Variants in TMEM132B observed in about 807,000 individuals in gnomAD.
TMEM132B encodes transmembrane protein 132B.
In TMEM132B, 18 loss-of-function variants were observed where a neutral mutation model predicts 90.8. The observed-to-expected ratio is 0.20, with a 90% CI of 0.14 to 0.29. TMEM132B has a LOEUF of 0.29. TMEM132B is among the 10% of genes least tolerant of loss of function. TMEM132B has a pLI of 1.00. For synonymous variants in TMEM132B, 504 were observed against 523.3 expected, an observed-to-expected ratio of 0.96 and a Z score of 0.50; for missense variants, 1,096 against 1,326.8, an observed-to-expected ratio of 0.83 and a Z score of 2.70.
In TMEM132B at chr12:125,349,334, G is replaced by C; in HGVS notation, c.68-118G>C. ...CAGGGCTTTCACTGTGATGAGACCT[G>C]GGGGAGAAACAGTGGCCAGTGGGCG... On this transcript the variant is annotated intron_variant, in intron 1 of 8. Transcript: ENST00000682704. The surrounding 1 kb of genome is among the most constrained non-coding windows in gnomAD (Gnocchi z 4.1). The C allele has an allele frequency of 9.0e-7, 1 of 1,108,656 alleles. No individual in the cohort carries two copies. Among genetic ancestry groups the C allele is most frequent in the Non-Finnish European group, 1.3e-6 (1 of 775,750 alleles). 68.7% of individuals were successfully genotyped at this position (1,108,656 alleles called of 1,614,324 possible).
In TMEM132B at chr12:125,588,623, C is replaced by T. The variant is rs541041317; in HGVS notation, c.1437+4629C>T. ...GATTACAGGCATGAGCCACCACGCC[C>T]CTCTACACCTGGGTTTTTAGAAATA... is the stretch of plus-strand genomic sequence containing the variant. On this transcript the variant is annotated intron_variant, in intron 5 of 8. Coordinates refer to ENST00000682704, the MANE Select transcript of TMEM132B (RefSeq NM_001366854.1). Among the ~76,000 whole-genome samples, 6 of 151,408 alleles carry T rather than the reference C, an allele frequency of 4.0e-5. No individual in the cohort carries two copies. In the South Asian group the frequency reaches 1.3e-3, roughly 32 times the overall value.
At chr12:125,474,575 C>T (rs1475688446) in intron 3 of TMEM132B, among the ~76,000 whole-genome samples, 1 of 152,186 alleles carries the variant, frequency 6.6e-6, no homozygotes, top group Non-Finnish European at 1.5e-5. Flanking sequence ...AGTCATGAGC[C>T]ATCATGCCTG....
At chr12:125,425,470 G>A (rs1649227753) in intron 3 of TMEM132B, among the ~76,000 whole-genome samples, 1 of 151,642 alleles carries the variant, frequency 6.6e-6, no homozygotes, top group Admixed American at 6.6e-5. Context: ...TATTATTAAA[G>A]TCCACACTAC....
intron 2 of TMEM132B, among the ~76,000 whole-genome samples, chr12:125,370,698 C>T (rs1023471603): frequency 2.0e-5 from 3 of 152,152 alleles, no homozygotes; most frequent in African/African-American, 4.8e-5. Flanking sequence ...CATGAGCTAC[C>T]GCATCCGGCC....
intron 2 of TMEM132B, 97 bp downstream of exon 2, chr12:125,350,440 T>C: frequency 7.3e-7 from 1 of 1,372,112 alleles, no homozygotes; most frequent in Non-Finnish European, 9.9e-7. Context: ...TTGCTGACTA[T>C]TGTCAAAAAT....
At chr12:125,346,388 C>T (rs977997773) in intron 1 of TMEM132B, among the ~76,000 whole-genome samples, 6 of 152,142 alleles carry the variant, frequency 3.9e-5, no homozygotes, top group Non-Finnish European at 7.4e-5. Flanking sequence ...CTAAATTTTA[C>T]GAGAAGTAAA....
chr12:125,627,316 TC>T (rs1886256707), intron 5 of TMEM132B, among the ~76,000 whole-genome samples: 2 of 152,092 alleles, frequency 1.3e-5, no homozygotes, highest in Non-Finnish European at 2.9e-5. Context: ...ATTTTTTTTC[TC>T]CCTGGGGGTG....
At chr12:125,249,522 A>C (rs759374923) in intron 1 of TMEM132B, among the ~76,000 whole-genome samples, 6 of 152,250 alleles carry the variant, frequency 3.9e-5, no homozygotes, top group African/African-American at 7.2e-5. Context: ...ACCATCAGCC[A>C]GATGCCACAG....
intron 4 of TMEM132B, among the ~76,000 whole-genome samples, chr12:125,571,622 T>C (rs1467917828): frequency 6.6e-6 from 1 of 152,230 alleles, no homozygotes; most frequent in Non-Finnish European, 1.5e-5. Flanking sequence ...GCCTGTTCTC[T>C]TGGTTATATC....
chr12:125,218,114 T>C (rs1477993155), intron 1 of TMEM132B, among the ~76,000 whole-genome samples: 3 of 152,152 alleles, frequency 2.0e-5, no homozygotes, highest in Non-Finnish European at 2.9e-5. Flanking sequence ...ATGTATATGT[T>C]TGCAAATAGG....
chr12:125,234,663 A>G (rs1390193198), intron 1 of TMEM132B, among the ~76,000 whole-genome samples: 1 of 152,176 alleles, frequency 6.6e-6, no homozygotes, highest in Non-Finnish European at 1.5e-5. Flanking sequence ...AGGAGCCACA[A>G]TCCGAGAGAT....
rs1344326703 is a variant in TMEM132B, at chr12:125,492,879, C to G, written c.1107-26560C>G. Among the ~76,000 whole-genome samples the G allele has an allele frequency of 6.6e-6, 1 of 152,092 alleles. No homozygotes were observed. The highest frequency in any genetic ancestry group is 1.5e-5 in the Non-Finnish European group (1 of 68,012). ...AGTTCCACCCTCAAGAGCTTGCAGT[C>G]CAGGAAGGGAGATGAAAATAAACCC... On this transcript the variant is annotated intron_variant, in intron 3 of 8. Transcript: ENST00000682704. This position sits in a 1 kb window ranked among gnomAD's most constrained non-coding sequence, Gnocchi z 5.8.
At chr12:125,463,811 G>C (rs1373570893) in intron 3 of TMEM132B, among the ~76,000 whole-genome samples, 2 of 152,264 alleles carry the variant, frequency 1.3e-5, no homozygotes, top group East Asian at 3.9e-4. Flanking sequence ...CTTGAGACTG[G>C]GTAATTTATA....
chr12:125,358,384 A>G (rs1237826045), intron 2 of TMEM132B, among the ~76,000 whole-genome samples: 19 of 150,728 alleles, frequency 1.3e-4, no homozygotes, highest in Admixed American at 1.2e-3. Flanking sequence ...TAGGACATTA[A>G]TGTTGGTATA....
At position 125,458,466 on chromosome 12, in the gene TMEM132B, A is replaced by C. The variant is rs1203778182; in HGVS notation, c.1106+42789A>C. ...AGGAAACAAACCAGGCTGGGACCCC[A>C]GGCGACCAGCAGGGGTCATTTGGTT... On this transcript the variant is annotated intron_variant, in intron 3 of 8. Transcript: ENST00000682704. The surrounding 1 kb of genome is among the most constrained non-coding windows in gnomAD (Gnocchi z 4.9). Among the ~76,000 whole-genome samples, 2 of 152,164 alleles carry C rather than the reference A, an allele frequency of 1.3e-5. No individual in the cohort carries two copies. The highest frequency in any genetic ancestry group is 2.9e-5 in the Non-Finnish European group (2 of 68,018).
At chr12:125,650,577 A>G in intron 6 of TMEM132B, 106 bp from the exon 7 acceptor site, 1 of 1,352,290 alleles carries the variant, frequency 7.4e-7, no homozygotes, top group Admixed American at 2.1e-5. Flanking sequence ...CAGGAGAAGG[A>G]CCATTTCATT....
chr12:125,503,441 A>T (rs2136605411), intron 3 of TMEM132B, among the ~76,000 whole-genome samples: 1 of 152,244 alleles, frequency 6.6e-6, no homozygotes, highest in South Asian at 2.1e-4. Context: ...TTTTTCTCAG[A>T]GGGCCTGACA....
intron 4 of TMEM132B, among the ~76,000 whole-genome samples, chr12:125,561,671 C>T (rs549759087): frequency 4.0e-5 from 6 of 151,692 alleles, no homozygotes; most frequent in Admixed American, 6.6e-5. Flanking sequence ...AGTGACTGTG[C>T]GTTATCAATA....
intron 3 of TMEM132B, among the ~76,000 whole-genome samples, chr12:125,516,747 T>C (rs1335232909): frequency 6.6e-6 from 1 of 152,232 alleles, no homozygotes; most frequent in Non-Finnish European, 1.5e-5. Context: ...TTCGCTTCCC[T>C]GGCATTAGCT....
Sources: allele counts gnomAD v4.1 joint callset (sites outside exome capture counted in the v4.1 genomes callset), GRCh38; gene constraint gnomAD v4.1.1; non-coding constraint Gnocchi (gnomAD v3.1); transcripts MANE v1.5; gene names NCBI Gene and HGNC (gene_info 2026-07-23, HGNC 2026-07-21).